Variants in SECISBP2 observed in about 807,000 individuals in gnomAD.
SECISBP2 encodes the protein selenocysteine insertion sequence-binding protein 2.
In SECISBP2, 96 loss-of-function variants were observed where a neutral mutation model predicts 98.2. That is an observed-to-expected ratio of 0.98 (90% CI 0.83 to 1.16). The LOEUF (loss-of-function observed/expected upper bound fraction) is 1.16, where lower values mean the gene tolerates loss of function less well. SECISBP2 is among the 50% of genes most tolerant of loss of function. SECISBP2 has a pLI of 0.00. For missense variants in SECISBP2, 1,046 were observed against 1,022.9 expected, an observed-to-expected ratio of 1.02 and a Z score of -0.31; for synonymous variants, 407 against 370.2, an observed-to-expected ratio of 1.10 and a Z score of -1.14.
At chr9:89,343,397 T>C (rs1423748276) in intron 10 of SECISBP2, among the ~76,000 whole-genome samples, 1 of 152,178 alleles carries the variant, frequency 6.6e-6, no homozygotes, top group African/African-American at 2.4e-5. Context: ...AGGTTTGTTA[T>C]ATAGGTAAAC....
chr9:89,357,953 C>T, intron 15 of SECISBP2, 46 bp from the exon 16 acceptor site: 3 of 1,603,470 alleles, frequency 1.9e-6, no homozygotes, highest in Non-Finnish European at 2.6e-6. Flanking sequence ...GGACCCGTGT[C>T]CTCTGTAGCT....
At chr9:89,360,698 T>C (rs1383645909), downstream of SECISBP2, 1 of 152,238 alleles carries the variant, frequency 6.6e-6, no homozygotes, top group Non-Finnish European at 1.5e-5. Context: ...AGGCCACTGC[T>C]GCAGGTGACT....
At position 89,350,775 on chromosome 9, in the gene SECISBP2, A is replaced by G; in HGVS notation, c.2036A>G (p.Glu679Gly). The G allele has an allele frequency of 1.9e-6, 3 of 1,614,200 alleles. No individual in the cohort carries two copies. In the South Asian group the frequency reaches 3.3e-5, roughly 18 times the overall value. Reference protein sequence around the residue: ...TKRRLVLGLREVLKHLKLKKL... With the variant: ...TKRRLVLGLRGVLKHLKLKKL... ...CGTCGACTTGTGTTGGGGTTGAGGG[A>G]GGTTCTCAAACACCTGAAGCTCAAA... The change falls in exon 14 of 17, where the codon GAG becomes GGG. Residue 679 changes from glutamate to glycine, a missense_variant. Glu to Gly is a moderately conservative substitution (Grantham distance 98). Coordinates refer to ENST00000375807, the MANE Select transcript of SECISBP2 (RefSeq NM_024077.5).
rs932196292 is a variant in SECISBP2, at chr9:89,357,204, C to T, written c.2114-207C>T. On this transcript the variant is annotated intron_variant, in intron 14 of 16. Coordinates refer to ENST00000375807, the MANE Select transcript of SECISBP2 (RefSeq NM_024077.5). ...GTTAACTTTTCCTGTTAAGACAATA[C>T]CAGCTGTGTGTTTTCTTTCCATTTT... The T allele has an allele frequency of 2.1e-4, 128 of 622,826 alleles. 1 individual carries two copies. In the Admixed American group the frequency reaches 3.2e-3, roughly 16 times the overall value. The allele number at this position is 622,826 out of a possible 1,614,324, so 38.6% of individuals were successfully genotyped here.
At chr9:89,326,442 G>A (rs566324979) in intron 4 of SECISBP2, among the ~76,000 whole-genome samples, 52 of 152,290 alleles carry the variant, frequency 3.4e-4, no homozygotes, top group African/African-American at 1.2e-3. Context: ...GAGAAAGATG[G>A]GGAAGAGGTT....
chr9:89,338,711 A>G, intron 8 of SECISBP2, 131 bp downstream of exon 8: 1 of 923,064 alleles, frequency 1.1e-6, no homozygotes, highest in Non-Finnish European at 1.6e-6. Flanking sequence ...GTAGTGCTAA[A>G]GAAAACAGTA....
intron 2 of SECISBP2, among the ~76,000 whole-genome samples, chr9:89,321,665 C>CT (rs1564309996): frequency 6.5e-5 from 9 of 138,818 alleles, no homozygotes; most frequent in Non-Finnish European, 9.5e-5. Flanking sequence ...GACTCTCTCT[C>CT]AAAAAAAAAA....
chr9:89,361,524 GAC>G (rs750583076), downstream of SECISBP2: 1 of 152,332 alleles, frequency 6.6e-6, no homozygotes, highest in African/African-American at 2.4e-5. Context: ...CACACACAGT[GAC>G]ACAGTCTTCA....
In SECISBP2 at chr9:89,349,990, G is replaced by A. The variant is rs866126928; in HGVS notation, c.1892+61G>A. 29 of 1,583,722 alleles carry A rather than the reference G, an allele frequency of 1.8e-5. No individual in the cohort carries two copies. In the Middle Eastern group the frequency reaches 2.8e-3, roughly 155 times the overall value. On this transcript the variant is annotated intron_variant, in intron 13 of 16. Transcript: ENST00000375807. ...GATGGAAGTGCTTCGGTTCAGTATGGCATTGATATCTCCCATAAATCCTTG... is the reference window on the plus strand; with the variant it reads ...GATGGAAGTGCTTCGGTTCAGTATGACATTGATATCTCCCATAAATCCTTG...
At chr9:89,327,091 G>A (rs986212612) in intron 4 of SECISBP2, among the ~76,000 whole-genome samples, 1 of 152,030 alleles carries the variant, frequency 6.6e-6, no homozygotes, top group African/African-American at 2.4e-5. Flanking sequence ...GAACCCGGGA[G>A]GCGGAGCTTG....
chr9:89,362,564 G>A (rs1442262474), downstream of SECISBP2: 21 of 1,488,086 alleles, frequency 1.4e-5, no homozygotes, highest in Admixed American at 1.7e-5. Flanking sequence ...CCCCTCCTTG[G>A]AGTCTAAAGA....
At chr9:89,362,254 G>GT, downstream of SECISBP2, 1 of 1,371,380 alleles carries the variant, frequency 7.3e-7, no homozygotes, top group Non-Finnish European at 1.0e-6. Flanking sequence ...TGCCCATCAG[G>GT]TGGTGGCCCA....
In SECISBP2 at chr9:89,358,132, C is replaced by G; in HGVS notation, c.2402C>G (p.Pro801Arg). ...QAPPSLPTQG[P>R]SCPAEDGPPA... Reference sequence around the variant, plus strand: ...CCTCCCAGCCTACCCACACAGGGCCCCAGCTGCCCTGCAGAAGATGGCCCC... The same window carrying G: ...CCTCCCAGCCTACCCACACAGGGCCGCAGCTGCCCTGCAGAAGATGGCCCC... Residue 801 changes from proline (P) to arginine (R), a missense_variant, in exon 16 of 17, where the codon CCC becomes CGC. Pro to Arg is a moderately radical substitution (Grantham distance 103). Coordinates refer to ENST00000375807, the MANE Select transcript of SECISBP2 (RefSeq NM_024077.5). The G allele has an allele frequency of 6.2e-7, 1 of 1,613,824 alleles. No individual in the cohort carries two copies. Among genetic ancestry groups the G allele is most frequent in the Non-Finnish European group, 8.5e-7 (1 of 1,179,938 alleles).
Position 89,334,588 on chromosome 9 carries a change from CT to C in SECISBP2, c.948del (p.Asn318MetfsTer5). 6.2e-7 allele frequency: 1 copy of C among 1,614,178 alleles called. No individual in the cohort carries two copies. Among genetic ancestry groups the C allele is most frequent in the Non-Finnish European group, 8.5e-7 (1 of 1,180,024 alleles). ...TTATCTACAGAACTGTCAGCAGCCC[CT>C]AAAAATGTTACTTCTATGATAAACT... ...QTLSTELSAA[P>X]KNVTSMINLK... On this transcript the variant is annotated frameshift_variant, in exon 7 of 17. Coordinates refer to ENST00000375807, the MANE Select transcript of SECISBP2 (RefSeq NM_024077.5). LOFTEE classifies it high-confidence loss of function.
intron 5 of SECISBP2, among the ~76,000 whole-genome samples, chr9:89,330,711 C>G: frequency 6.6e-6 from 1 of 152,200 alleles, no homozygotes; most frequent in Non-Finnish European, 1.5e-5. Context: ...AATCATAGTT[C>G]CATCTGGCCT....
chr9:89,335,709 T>A (rs1007696655), intron 7 of SECISBP2, among the ~76,000 whole-genome samples: 2 of 152,266 alleles, frequency 1.3e-5, no homozygotes, highest in Admixed American at 1.3e-4. Context: ...AGTCTGAGTT[T>A]ATTGTACTTA....
chr9:89,362,440 A>G (rs376620202), downstream of SECISBP2: 6 of 1,613,968 alleles, frequency 3.7e-6, no homozygotes, highest in Non-Finnish European at 4.2e-6. Context: ...TGAAAGAACA[A>G]TGTGGTCTTT....
At chr9:89,362,288 G>T, downstream of SECISBP2, 1 of 1,586,530 alleles carries the variant, frequency 6.3e-7, no homozygotes, top group South Asian at 1.1e-5. Context: ...GAGCAGGCTT[G>T]GGCAAGACAG....
At chr9:89,365,300 G>C in the SECISBP2 span, 1 of 152,368 alleles carries the variant, frequency 6.6e-6, no homozygotes, top group Non-Finnish European at 1.5e-5. Flanking sequence ...GGCTGGGGAG[G>C]CCGGCCAGCC....
Sources: gnomAD v4.1 joint callset for allele counts (sites outside exome capture counted in the v4.1 genomes callset) on GRCh38, gnomAD v4.1.1 for gene constraint, MANE v1.5 for transcripts, NCBI Gene and HGNC (gene_info 2026-07-23, HGNC 2026-07-21) for gene names.